The following CLIP2 variants were observed in gnomAD, a reference collection of about 807,000 sequenced individuals.
The protein encoded by CLIP2 is CAP-Gly domain containing linker protein 2, also known as CAP-Gly domain-containing linker protein 2.
In CLIP2, 41 loss-of-function variants were observed where a neutral mutation model predicts 111.7. That is an observed-to-expected ratio of 0.37 (90% confidence interval 0.29 to 0.48). CLIP2 has a LOEUF of 0.48. CLIP2 is among the 20% of genes least tolerant of loss of function. The probability of loss-of-function intolerance (pLI) is 0.99; values close to 1 mark genes in which losing one functional copy is unlikely to be tolerated. For missense variants in CLIP2, 1,160 were observed against 1,422.1 expected, an observed-to-expected ratio of 0.82 and a Z score of 2.96; for synonymous variants, 660 against 644.2, an observed-to-expected ratio of 1.02 and a Z score of -0.37.
At chr7:74,358,855 G>A (rs1342692837) in intron 6 of CLIP2, among the ~76,000 whole-genome samples, 1 of 152,164 alleles carries the variant, frequency 6.6e-6, no homozygotes, top group Non-Finnish European at 1.5e-5. Flanking sequence ...ATAGGCATAA[G>A]CCATCGTGCC....
rs1554316838 is a variant in CLIP2, at chr7:74,397,239, T to TG, written c.2880+10dup. On this transcript the variant is annotated splice_region_variant and intron_variant, in intron 14 of 16. Coordinates refer to ENST00000223398, the MANE Select transcript of CLIP2 (RefSeq NM_003388.5). ...GTGAAAAGCTGACCGGGCTGGTATGTGGGGTAGGGGTGGCCTAGGGGCAGG... is the reference window on the plus strand; with the variant it reads ...GTGAAAAGCTGACCGGGCTGGTATGTGGGGGTAGGGGTGGCCTAGGGGCAGG... The TG allele has an allele frequency of 6.2e-7, 1 of 1,601,600 alleles. No homozygotes were observed.
chr7:74,365,325 A>C (rs1554310621), intron 8 of CLIP2, among the ~76,000 whole-genome samples: 1 of 152,092 alleles, frequency 6.6e-6, no homozygotes. Flanking sequence ...ACAGCCTCCA[A>C]GGGCAGGCAT....
intron 1 of CLIP2, among the ~76,000 whole-genome samples, chr7:74,292,006 C>G (rs1788037727): frequency 6.7e-6 from 1 of 149,962 alleles, no homozygotes; most frequent in African/African-American, 2.5e-5. Context: ...CTCACTGTAA[C>G]CTCTGCCTCC....
chr7:74,376,919 T>A lies in CLIP2; in HGVS notation c.2421+97T>A. ...TTCTGCAGCCCAGGAAGCATTTCCC[T>A]TGTCCCCGAGAGCATGCCTGGGGCA... On this transcript the variant is annotated intron_variant, in intron 10 of 16. Coordinates refer to ENST00000223398, the MANE Select transcript of CLIP2 (RefSeq NM_003388.5). The surrounding 1 kb of genome is among the most constrained non-coding windows in gnomAD (Gnocchi z 7.1). 8.1e-7 allele frequency: 1 copy of A among 1,235,082 alleles called. No individual in the cohort carries two copies. The highest frequency in any genetic ancestry group is 1.1e-6 in the Non-Finnish European group (1 of 914,388). 76.5% of individuals were successfully genotyped at this position (1,235,082 alleles called of 1,614,324 possible).
At chr7:74,316,200 A>T (rs182034850) in intron 1 of CLIP2, among the ~76,000 whole-genome samples, 25 of 152,142 alleles carry the variant, frequency 1.6e-4, no homozygotes, top group Non-Finnish European at 3.2e-4. Context: ...TGTCCCTGCA[A>T]AGGACATCAT....
chr7:74,377,636 G>A (rs1207575008), intron 10 of CLIP2, among the ~76,000 whole-genome samples: 1 of 152,118 alleles, frequency 6.6e-6, no homozygotes, highest in African/African-American at 2.4e-5. Flanking sequence ...CATTTCACAG[G>A]TGAGCAAACC....
intron 13 of CLIP2, among the ~76,000 whole-genome samples, chr7:74,390,195 AAG>A (rs1193258745): frequency 9.4e-5 from 13 of 138,516 alleles, no homozygotes; most frequent in East Asian, 3.9e-4. Context: ...GAAAGAAAGA[AAG>A]AAAGAAAGAA....
intron 6 of CLIP2, among the ~76,000 whole-genome samples, chr7:74,358,579 T>G (rs1790220578): frequency 6.6e-6 from 1 of 151,854 alleles, no homozygotes; most frequent in African/African-American, 2.4e-5. Context: ...TTTTTTTTTT[T>G]TATTTTATTT....
chr7:74,367,432 C>T (rs1323363699), intron 8 of CLIP2, among the ~76,000 whole-genome samples: 2 of 152,132 alleles, frequency 1.3e-5, no homozygotes, highest in East Asian at 1.9e-4. Context: ...CCTCATGATT[C>T]GCCCGCCTCA....
chr7:74,318,434 T>TG (rs782093257), intron 2 of CLIP2, among the ~76,000 whole-genome samples: 6 of 151,980 alleles, frequency 3.9e-5, no homozygotes, highest in Non-Finnish European at 8.8e-5. Context: ...GTAATTGAGC[T>TG]GGGCATGGAG....
chr7:74,399,383 T>G (rs1289353092), intron 14 of CLIP2, among the ~76,000 whole-genome samples: 1 of 151,866 alleles, frequency 6.6e-6, no homozygotes, highest in Non-Finnish European at 1.5e-5. Context: ...ACAAAAAAAG[T>G]TAAAAATTAG....
At chr7:74,387,881 T>A (rs1791162012) in intron 12 of CLIP2, among the ~76,000 whole-genome samples, 2 of 152,188 alleles carry the variant, frequency 1.3e-5, no homozygotes, top group African/African-American at 4.8e-5. Context: ...CTGAGACCAA[T>A]GGTGCTTTTA....
chr7:74,392,908 C>A (rs1451604831), intron 13 of CLIP2, among the ~76,000 whole-genome samples: 6 of 152,228 alleles, frequency 3.9e-5, no homozygotes, highest in Non-Finnish European at 7.3e-5. Flanking sequence ...TGGCGATCAC[C>A]CCATCATAGC....
intron 15 of CLIP2, 106 bp downstream of exon 15, chr7:74,400,661 A>AG: frequency 8.6e-7 from 1 of 1,164,992 alleles, no homozygotes; most frequent in Non-Finnish European, 1.2e-6. Context: ...CCCCAGTCTG[A>AG]GGAGGTAGGG....
chr7:74,334,177 T>A (rs1444014495), intron 2 of CLIP2, among the ~76,000 whole-genome samples: 1 of 152,210 alleles, frequency 6.6e-6, no homozygotes, highest in Non-Finnish European at 1.5e-5. Context: ...ATAGGGAATT[T>A]CCCATGGTTT....
At chr7:74,321,196 T>C (rs1788941425) in intron 2 of CLIP2, among the ~76,000 whole-genome samples, 2 of 152,172 alleles carry the variant, frequency 1.3e-5, no homozygotes, top group Admixed American at 1.3e-4. Flanking sequence ...TAAAGATTAA[T>C]TTCTTTCCCT....
At chr7:74,343,279 C>G (rs1427043255) in intron 3 of CLIP2, among the ~76,000 whole-genome samples, 1 of 151,976 alleles carries the variant, frequency 6.6e-6, no homozygotes, top group Non-Finnish European at 1.5e-5. Context: ...ACCATCCTGT[C>G]CAAGGAACTT....
intron 1 of CLIP2, among the ~76,000 whole-genome samples, chr7:74,313,073 T>G (rs1013160292): frequency 7.9e-5 from 12 of 151,528 alleles, no homozygotes; most frequent in African/African-American, 2.9e-4. Flanking sequence ...CCCAGCACTT[T>G]GGGAGGCTGA....
chr7:74,330,261 T>TTTG (rs1272566048), intron 2 of CLIP2, among the ~76,000 whole-genome samples: 12 of 150,054 alleles, frequency 8.0e-5, no homozygotes, highest in Non-Finnish European at 1.5e-4. Flanking sequence ...TTTTTTTTTT[T>TTTG]TCTTTCTTTT....
Sources: allele counts gnomAD v4.1 joint callset (sites outside exome capture counted in the v4.1 genomes callset), GRCh38; gene constraint gnomAD v4.1.1; non-coding constraint Gnocchi (gnomAD v3.1); transcripts MANE v1.5; gene names NCBI Gene and HGNC (gene_info 2026-07-23, HGNC 2026-07-21).